Variants in CTNNA2 observed in about 807,000 individuals in gnomAD.
The protein encoded by CTNNA2 is catenin alpha 2, also known as catenin alpha-2.
Under a neutral mutation model 101.0 loss-of-function variants are expected in CTNNA2, and 42 were observed. The ratio of observed to expected loss-of-function variants is 0.42; its 90% confidence interval spans 0.32 to 0.54. The LOEUF is 0.54. CTNNA2 is among the 20% of genes least tolerant of loss of function. The probability of loss-of-function intolerance (pLI) is 0.14; values close to 1 mark genes in which losing one functional copy is unlikely to be tolerated. For synonymous variants in CTNNA2, 450 were observed against 456.4 expected, an observed-to-expected ratio of 0.99 and a Z score of 0.18; for missense variants, 871 against 1,223.1, an observed-to-expected ratio of 0.71 and a Z score of 4.29.
At chr2:79,895,917 A>C (rs537262915) in intron 6 of CTNNA2, among the ~76,000 whole-genome samples, 3 of 152,240 alleles carry the variant, frequency 2.0e-5, no homozygotes, top group East Asian at 1.9e-4. Context: ...GGCTTAATCA[A>C]ATCTTCAGAG....
chr2:80,534,441 C>A (rs965055581), intron 9 of CTNNA2, among the ~76,000 whole-genome samples: 5 of 152,088 alleles, frequency 3.3e-5, no homozygotes, highest in Non-Finnish European at 7.4e-5. Context: ...TAAGTTATGA[C>A]AAATTGAGTG....
At chr2:79,879,382 A>C (rs1428922688) in intron 6 of CTNNA2, among the ~76,000 whole-genome samples, 1 of 152,140 alleles carries the variant, frequency 6.6e-6, no homozygotes, top group African/African-American at 2.4e-5. Context: ...TGATGGAAGT[A>C]GCATTTATTC....
chr2:80,491,706 G>T (rs563299540), intron 9 of CTNNA2, among the ~76,000 whole-genome samples: 1 of 152,284 alleles, frequency 6.6e-6, no homozygotes, highest in Non-Finnish European at 1.5e-5. Context: ...TATACCTGTT[G>T]TACTTGCATA....
intron 7 of CTNNA2, among the ~76,000 whole-genome samples, chr2:80,020,974 T>G (rs530666627): frequency 8.2e-4 from 125 of 151,780 alleles, no homozygotes; most frequent in African/African-American, 2.9e-3. Flanking sequence ...TGGTTGAAAT[T>G]TTTGGAATGA....
intron 3 of CTNNA2, among the ~76,000 whole-genome samples, chr2:79,363,189 C>G (rs1401015582): frequency 6.6e-6 from 1 of 152,198 alleles, no homozygotes; most frequent in Non-Finnish European, 1.5e-5. Context: ...ACAGATGACT[C>G]AGTTTCTAGT....
chr2:80,331,789 A>G (rs913741381), intron 7 of CTNNA2, among the ~76,000 whole-genome samples: 3 of 152,186 alleles, frequency 2.0e-5, no homozygotes, highest in African/African-American at 7.2e-5. Flanking sequence ...CCCAATCCCC[A>G]TTACATTCAT....
At chr2:80,328,491 G>T (rs1244885284) in intron 7 of CTNNA2, 1 of 425,966 alleles carries the variant, frequency 2.3e-6, no homozygotes, top group Non-Finnish European at 4.9e-6. Flanking sequence ...GGAGCAGCAG[G>T]TAGTCCAGAG....
At chr2:79,440,067 G>T (rs889379933) in intron 4 of CTNNA2, among the ~76,000 whole-genome samples, 1 of 151,892 alleles carries the variant, frequency 6.6e-6, no homozygotes, top group Non-Finnish European at 1.5e-5. Flanking sequence ...TGATATAAAG[G>T]TATGTTATCC....
intron 7 of CTNNA2, among the ~76,000 whole-genome samples, chr2:80,052,982 C>A (rs763923875): frequency 9.9e-5 from 15 of 152,110 alleles, no homozygotes; most frequent in Non-Finnish European, 1.8e-4. Context: ...TCATCATTTC[C>A]ATTTTTTCCT....
intron 7 of CTNNA2, among the ~76,000 whole-genome samples, chr2:80,351,115 A>AC (rs1673249327): frequency 1.3e-5 from 2 of 152,172 alleles, no homozygotes; most frequent in African/African-American, 4.8e-5. Context: ...ATAAAAGAAT[A>AC]AAAAGAAACA....
intron 7 of CTNNA2, among the ~76,000 whole-genome samples, chr2:80,056,503 A>C (rs1308613277): frequency 1.3e-5 from 2 of 152,226 alleles, no homozygotes; most frequent in East Asian, 3.9e-4. Flanking sequence ...CATAGTGGGC[A>C]TTAGGTAAAT....
intron 1 of CTNNA2, among the ~76,000 whole-genome samples, chr2:79,539,545 T>C (rs1165935843): frequency 6.6e-6 from 1 of 152,234 alleles, no homozygotes; most frequent in African/African-American, 2.4e-5. Context: ...TACTTGTAAA[T>C]CACTCTGATT....
At chr2:80,127,291 A>G (rs1218553154) in intron 7 of CTNNA2, among the ~76,000 whole-genome samples, 1 of 152,250 alleles carries the variant, frequency 6.6e-6, no homozygotes, top group Middle Eastern at 3.4e-3. Context: ...TTAGCTGCAT[A>G]TATGTTTGTT....
At chr2:80,524,866 C>G (rs1203069586) in intron 9 of CTNNA2, among the ~76,000 whole-genome samples, 1 of 152,168 alleles carries the variant, frequency 6.6e-6, no homozygotes, top group Non-Finnish European at 1.5e-5. Flanking sequence ...TTGTATTTGA[C>G]TTCATTCGCT....
chr2:80,401,738 CAG>C (rs1678567652), intron 8 of CTNNA2, among the ~76,000 whole-genome samples: 1 of 151,776 alleles, frequency 6.6e-6, no homozygotes, highest in Admixed American at 6.6e-5. Flanking sequence ...TTCCACTTCA[CAG>C]AGTCAATACC....
In CTNNA2 at chr2:80,277,995, G is replaced by T. The variant is rs547196340; in HGVS notation, c.1057-115216G>T. Among the ~76,000 whole-genome samples, 34 of 152,178 alleles carry T rather than the reference G, an allele frequency of 2.2e-4. 1 individual carries two copies. The highest frequency in any genetic ancestry group is 1.0e-3 in the South Asian group (5 of 4,804). On this transcript the variant is annotated intron_variant, in intron 7 of 18. Transcript: ENST00000402739. ...TTTGAGTTCCCCATTCATTGATTTT[G>T]TCTTTCTGGATTGGGTAGTGGTTAA...
chr2:79,453,786 T>A (rs2104529067), intron 4 of CTNNA2, among the ~76,000 whole-genome samples: 1 of 152,190 alleles, frequency 6.6e-6, no homozygotes, highest in South Asian at 2.1e-4. Context: ...TTCATCAGAT[T>A]ATTGGTGCAG....
intron 2 of CTNNA2, among the ~76,000 whole-genome samples, chr2:79,716,532 C>T (rs533730830): frequency 3.7e-4 from 56 of 152,298 alleles, no homozygotes; most frequent in African/African-American, 1.3e-3. Flanking sequence ...TCGTTCAGCT[C>T]CCACTGATAA....
intron 7 of CTNNA2, among the ~76,000 whole-genome samples, chr2:80,189,490 A>G (rs2148994914): frequency 6.6e-6 from 1 of 152,330 alleles, no homozygotes; most frequent in East Asian, 1.9e-4. Flanking sequence ...TGGGATCCTG[A>G]GACTTTGGCA....
Sources: gnomAD v4.1 joint callset for allele counts (sites outside exome capture counted in the v4.1 genomes callset) on GRCh38, gnomAD v4.1.1 for gene constraint, MANE v1.5 for transcripts, NCBI Gene and HGNC (gene_info 2026-07-23, HGNC 2026-07-21) for gene names.